TMC3: variants seen among roughly 807,000 people sequenced by gnomAD.
The protein encoded by TMC3 is transmembrane channel-like protein 3.
A neutral mutation model predicts 110.6 loss-of-function variants in TMC3; 98 were observed. That is an observed-to-expected ratio of 0.89 (90% confidence interval 0.75 to 1.05). The LOEUF is 1.05. TMC3 is among the 50% of genes least tolerant of loss of function. TMC3 has a pLI of 0.00. For synonymous variants in TMC3, 489 were observed against 513.1 expected (o/e 0.95, Z 0.63); for missense variants, 1,319 against 1,373.2 (o/e 0.96, Z 0.62).
chr15:81,359,388 C>T lies in TMC3; in HGVS notation c.478G>A (p.Gly160Ser). ...GINIVLTIMT[G>S]AFIVIPELIA... ...ACCTCTGGAATGACAATAAAAGCAC[C>T]TGTCATAATGGTGAGCACAATATTA... The change falls in exon 5 of 22, where the codon GGT becomes AGT. Residue 160 changes from glycine (G) to serine (S), a missense_variant. Gly to Ser is a moderately conservative substitution (Grantham distance 56). Transcript: ENST00000359440. The T allele has an allele frequency of 1.2e-6, 2 of 1,605,026 alleles. No individual in the cohort carries two copies. Among genetic ancestry groups the T allele is most frequent in the Non-Finnish European group, 1.7e-6 (2 of 1,176,522 alleles).
chr15:81,337,491 T>C (rs1379008607), intron 19 of TMC3, among the ~76,000 whole-genome samples: 4 of 152,088 alleles, frequency 2.6e-5, no homozygotes, highest in African/African-American at 9.7e-5. Flanking sequence ...TTGACAAGGA[T>C]TGGGAAGGGG....
In TMC3 at chr15:81,351,745, G is replaced by A. The variant is rs61750033; in HGVS notation, c.1032C>T (p.Ser344=). Reference sequence around the variant, plus strand: ...CCTTCTTCGACTGCTCCAGCTTCTGGGACCGGTCCACCACAAAGTAGATGA... The same window carrying A: ...CCTTCTTCGACTGCTCCAGCTTCTGAGACCGGTCCACCACAAAGTAGATGA... ...IYLIYFVVDR[S]QKLEQSKKEL... is the part of the protein sequence containing the mutation. Residue 344 remains serine (S), a synonymous_variant, in exon 10 of 22, where the codon TCC becomes TCT. Coordinates refer to ENST00000359440, the MANE Select transcript of TMC3 (RefSeq NM_001080532.3). The A allele has an allele frequency of 5.6e-5, 88 of 1,584,126 alleles. No homozygotes were observed. The highest frequency in any genetic ancestry group is 1.7e-4 in the Middle Eastern group (1 of 6,042).
intron 3 of TMC3, among the ~76,000 whole-genome samples, chr15:81,364,681 A>AT (rs1223534183): frequency 9.1e-6 from 1 of 109,818 alleles, no homozygotes; most frequent in African/African-American, 5.3e-5. Flanking sequence ...TTAAAGTATA[A>AT]TAAAAAAAAA....
Position 81,332,264 on chromosome 15 carries a change from C to T in TMC3, c.*155G>A. On this transcript the variant is annotated 3_prime_UTR_variant, in exon 22 of 22. Coordinates refer to ENST00000359440, the MANE Select transcript of TMC3 (RefSeq NM_001080532.3). ...AGCTGTAGAATAGGTATCTGTAGCC[C>T]TGTCAGCCTCAGGGCCTCAGCTAGC... 9 of 1,138,710 alleles carry T rather than the reference C, an allele frequency of 7.9e-6. No homozygotes were observed. Among genetic ancestry groups the T allele is most frequent in the Non-Finnish European group, 1.1e-5 (9 of 830,728 alleles). 70.5% of individuals were successfully genotyped at this position (1,138,710 alleles called of 1,614,324 possible). A position where few individuals can be genotyped will look rare whatever the true frequency, so the allele number is the denominator to read the frequency against.
At chr15:81,346,745 G>A (rs144782693) in intron 11 of TMC3, among the ~76,000 whole-genome samples, 1 of 152,168 alleles carries the variant, frequency 6.6e-6, no homozygotes, top group Non-Finnish European at 1.5e-5. Context: ...AGGAAGTGGG[G>A]CCCTAAAACG....
Position 81,332,358 on chromosome 15 carries a change from A to T in TMC3, c.*61T>A. On this transcript the variant is annotated 3_prime_UTR_variant, in exon 22 of 22. Coordinates refer to ENST00000359440, the MANE Select transcript of TMC3 (RefSeq NM_001080532.3). The stretch of plus-strand genomic sequence containing the variant: ...CTCTTTTTCCAGAAAGGGAGATGCC[A>T]TGTGCTGGCCCAGCACTCCAACAGG... 6.6e-7 allele frequency: 1 copy of T among 1,512,964 alleles called. No homozygotes were observed. The highest frequency in any genetic ancestry group is 2.3e-5 in the East Asian group (1 of 43,202). 93.7% of individuals were successfully genotyped at this position (1,512,964 alleles called of 1,614,324 possible).
At position 81,341,422 on chromosome 15, in the gene TMC3, A is replaced by G. The variant is rs781536789; in HGVS notation, c.1812T>C (p.Asn604=). 12 of 1,612,016 alleles carry G rather than the reference A, an allele frequency of 7.4e-6. No individual in the cohort carries two copies. The highest frequency in any genetic ancestry group is 1.6e-4 in the Middle Eastern group (1 of 6,062). ...CTCGAAATACTTGCTGGTGGGGCAC[A>G]TTGCAGGTCAGCACAGCCCAGCTTC... ...YLRSWAVLTC[N]VPHQQVFRAS... The change falls in exon 16 of 22, where the codon AAT becomes AAC. Residue 604 remains asparagine, a synonymous_variant. Coordinates refer to ENST00000359440, the MANE Select transcript of TMC3 (RefSeq NM_001080532.3).
At chr15:81,366,680 C>G (rs1394085058) in intron 3 of TMC3, among the ~76,000 whole-genome samples, 1 of 152,090 alleles carries the variant, frequency 6.6e-6, no homozygotes, top group African/African-American at 2.4e-5. Flanking sequence ...TTCATAAACT[C>G]CATCATAGTG....
chr15:81,362,280 G>A lies in TMC3; in HGVS notation c.334C>T (p.Leu112Phe). ...GAELWRKFAR[L>F]ACNFVVIFIP... The stretch of plus-strand genomic sequence containing the variant: ...AAGATGACCACAAAGTTACAGGCGA[G>A]ACGAGCAAATTTCCGCCAGAGCTAG... The change falls in exon 4 of 22, where the codon CTC (leucine) becomes TTC (phenylalanine). Residue 112 changes from leucine (L) to phenylalanine (F), a missense_variant. By Grantham distance (22) the Leu-to-Phe change is conservative. Transcript: ENST00000359440. 1 of 1,612,524 alleles carries A rather than the reference G, an allele frequency of 6.2e-7. No homozygotes were observed. Among genetic ancestry groups the A allele is most frequent in the African/African-American group, 1.3e-5 (1 of 75,014 alleles).
chr15:81,345,732 A>G (rs577106445), intron 12 of TMC3, among the ~76,000 whole-genome samples: 1 of 152,154 alleles, frequency 6.6e-6, no homozygotes, highest in East Asian at 1.9e-4. Flanking sequence ...AAATAGCCAG[A>G]TGCAGCGGTG....
At chr15:81,360,926 A>G (rs1170885033) in intron 4 of TMC3, among the ~76,000 whole-genome samples, 1 of 151,662 alleles carries the variant, frequency 6.6e-6, no homozygotes, top group African/African-American at 2.4e-5. Context: ...TACAGCACTA[A>G]TGGCAGCTAC....
Position 81,362,251 on chromosome 15 carries a change from A to G in TMC3, c.363T>C (p.Ile121=). Reference sequence around the variant, plus strand: ...TTTTCTTTATCCTCATTTCCCAGGGAATGAAGATGACCACAAAGTTACAGG... The same window carrying G: ...TTTTCTTTATCCTCATTTCCCAGGGGATGAAGATGACCACAAAGTTACAGG... ...RLACNFVVIF[I]PWEMRIKKIE... Residue 121 remains isoleucine, a synonymous_variant, in exon 4 of 22, where the codon ATT becomes ATC. Coordinates refer to ENST00000359440, the MANE Select transcript of TMC3 (RefSeq NM_001080532.3). 1 of 1,612,410 alleles carries G rather than the reference A, an allele frequency of 6.2e-7. No individual in the cohort carries two copies. The highest frequency in any genetic ancestry group is 1.1e-5 in the South Asian group (1 of 90,640).
rs1893959333 is a variant in TMC3, at chr15:81,351,858, G to T, written c.936-17C>A. ...GTCACTGCCCTGGGGAGAGAAACAGGCATGAGAACGGTACACAGGGTCCTG... is the reference window on the plus strand; with the variant it reads ...GTCACTGCCCTGGGGAGAGAAACAGTCATGAGAACGGTACACAGGGTCCTG... On this transcript the variant is annotated splice_polypyrimidine_tract_variant and intron_variant, in intron 9 of 21. Transcript: ENST00000359440. The T allele has an allele frequency of 6.2e-7, 1 of 1,610,988 alleles. No homozygotes were observed. Among genetic ancestry groups the T allele is most frequent in the African/African-American group, 1.3e-5 (1 of 74,874 alleles).
chr15:81,370,240 C>T (rs1328100946), intron 2 of TMC3, among the ~76,000 whole-genome samples: 2 of 152,216 alleles, frequency 1.3e-5, no homozygotes, highest in Non-Finnish European at 2.9e-5. Context: ...TATCTGCATC[C>T]TGCTATGCTC....
intron 1 of TMC3, 84 bp downstream of exon 1, chr15:81,373,905 C>T: frequency 7.8e-7 from 1 of 1,290,172 alleles, no homozygotes. Flanking sequence ...AGGACAGGGA[C>T]TTTGTCCCTC....
intron 10 of TMC3, among the ~76,000 whole-genome samples, chr15:81,351,206 C>G (rs990299177): frequency 6.6e-6 from 1 of 152,142 alleles, no homozygotes; most frequent in African/African-American, 2.4e-5. Flanking sequence ...AATTGCCAAG[C>G]CTTAGTGCTG....
intron 9 of TMC3, among the ~76,000 whole-genome samples, chr15:81,355,010 C>T (rs1440111251): frequency 2.2e-4 from 33 of 152,116 alleles, no homozygotes; most frequent in Non-Finnish European, 2.9e-5. Context: ...ACAGAGAGGA[C>T]TAGAATCCAT....
At chr15:81,361,124 C>T (rs1003273164) in intron 4 of TMC3, among the ~76,000 whole-genome samples, 24 of 152,124 alleles carry the variant, frequency 1.6e-4, no homozygotes, top group African/African-American at 5.8e-4. Flanking sequence ...TTTAAATATT[C>T]AACATGTTTT....
In TMC3 at chr15:81,336,606, T is replaced by A; in HGVS notation, c.2203+3A>T. 1 of 1,613,698 alleles carries A rather than the reference T, an allele frequency of 6.2e-7. No individual in the cohort carries two copies. Among genetic ancestry groups the A allele is most frequent in the South Asian group, 1.1e-5 (1 of 91,078 alleles). Reference sequence around the variant, plus strand: ...AACAACAAAAAGAAACGGAAATACTTACCTTCTACCATCTGGGCAACCTTT... The same window carrying A: ...AACAACAAAAAGAAACGGAAATACTAACCTTCTACCATCTGGGCAACCTTT... On this transcript the variant is annotated splice_donor_region_variant and intron_variant, in intron 20 of 21. Transcript: ENST00000359440.
Sources: gnomAD v4.1 joint callset for allele counts (sites outside exome capture counted in the v4.1 genomes callset) on GRCh38, gnomAD v4.1.1 for gene constraint, MANE v1.5 for transcripts, NCBI Gene and HGNC (gene_info 2026-07-23, HGNC 2026-07-21) for gene names.